MTMR7: variants seen among roughly 807,000 people sequenced by gnomAD.
MTMR7 encodes myotubularin related protein 7.
In MTMR7, 76 loss-of-function variants were observed where a neutral mutation model predicts 81.2. That is an observed-to-expected ratio of 0.94 (90% CI 0.78 to 1.13). MTMR7 has a LOEUF of 1.13. Among genes scored for constraint, MTMR7 ranks in the 50% most tolerant of loss-of-function variants. MTMR7 has a pLI of 0.00. For missense variants in MTMR7, 1,044 were observed against 820.0 expected (o/e 1.27, Z -3.34); for synonymous variants, 372 against 289.8 (o/e 1.28, Z -2.88).
At chr8:17,342,555 C>G (rs999068775) in intron 5 of MTMR7, among the ~76,000 whole-genome samples, 2 of 152,184 alleles carry the variant, frequency 1.3e-5, no homozygotes, top group African/African-American at 2.4e-5. Context: ...CCCAGGACAA[C>G]TGAACATGGG....
chr8:17,395,082 C>G (rs896015517), intron 1 of MTMR7, among the ~76,000 whole-genome samples: 2 of 152,124 alleles, frequency 1.3e-5, no homozygotes, highest in African/African-American at 4.8e-5. Flanking sequence ...CCCTTATTTT[C>G]CCCTACCCTC....
intron 1 of MTMR7, among the ~76,000 whole-genome samples, chr8:17,374,242 T>C (rs953496165): frequency 3.3e-5 from 5 of 152,326 alleles, no homozygotes; most frequent in East Asian, 1.9e-4. Flanking sequence ...TCCCAGCACT[T>C]TGGGAAGCCG....
intron 1 of MTMR7, among the ~76,000 whole-genome samples, chr8:17,373,605 T>C (rs1243590960): frequency 6.6e-6 from 1 of 152,224 alleles, no homozygotes; most frequent in Non-Finnish European, 1.5e-5. Context: ...GTTTACACTA[T>C]GTATCAATTA....
chr8:17,393,262 T>C (rs34776663), intron 1 of MTMR7, among the ~76,000 whole-genome samples: 1 of 152,190 alleles, frequency 6.6e-6, no homozygotes, highest in African/African-American at 2.4e-5. Context: ...TCACACCATA[T>C]ACAAAAATTA....
At chr8:17,362,480 T>C (rs1010921608) in intron 3 of MTMR7, among the ~76,000 whole-genome samples, 9 of 152,216 alleles carry the variant, frequency 5.9e-5, no homozygotes, top group Admixed American at 3.3e-4. Context: ...GCAACATTGA[T>C]GGTCCTCATT....
At chr8:17,347,641 G>GT (rs1554512545) in intron 5 of MTMR7, among the ~76,000 whole-genome samples, 5 of 152,200 alleles carry the variant, frequency 3.3e-5, no homozygotes, top group Non-Finnish European at 1.5e-5. Flanking sequence ...AGAACATTTT[G>GT]TTTTTTTAAA....
intron 1 of MTMR7, among the ~76,000 whole-genome samples, chr8:17,404,951 G>A (rs1248453051): frequency 6.6e-6 from 1 of 152,182 alleles, no homozygotes; most frequent in African/African-American, 2.4e-5. Flanking sequence ...TCAGCCTCCA[G>A]AGTAGCTAGG....
At chr8:17,318,628 C>G (rs1818223380) in intron 7 of MTMR7, among the ~76,000 whole-genome samples, 2 of 152,206 alleles carry the variant, frequency 1.3e-5, no homozygotes. Flanking sequence ...AGCTAATTCA[C>G]AGCCAGGTTT....
intron 1 of MTMR7, among the ~76,000 whole-genome samples, chr8:17,379,784 ATTGT>A (rs1260960894): frequency 9.9e-5 from 15 of 151,988 alleles, no homozygotes; most frequent in Non-Finnish European, 1.8e-4. Flanking sequence ...GGGTTTTTTG[ATTGT>A]TTGTTTTTGT....
chr8:17,331,028 T>A, intron 7 of MTMR7, 122 bp downstream of exon 7: 1 of 1,192,510 alleles, frequency 8.4e-7, no homozygotes, highest in Non-Finnish European at 1.2e-6. Context: ...CACTGTAACA[T>A]GATATTCTTC....
intron 3 of MTMR7, among the ~76,000 whole-genome samples, chr8:17,369,629 A>C (rs1036869117): frequency 7.3e-6 from 1 of 137,898 alleles, no homozygotes; most frequent in Non-Finnish European, 1.6e-5. Flanking sequence ...AGTAGAGTAT[A>C]TTTCTTTTTT....
intron 6 of MTMR7, 51 bp from the exon 7 acceptor site, chr8:17,331,333 T>C (rs544905880): frequency 3.9e-6 from 6 of 1,528,470 alleles, no homozygotes; most frequent in Non-Finnish European, 5.2e-6. Context: ...GATGAAACAA[T>C]GATGAAACAA....
intron 4 of MTMR7, among the ~76,000 whole-genome samples, chr8:17,356,470 G>A (rs903427330): frequency 9.2e-5 from 14 of 152,004 alleles, no homozygotes; most frequent in Admixed American, 7.2e-4. Flanking sequence ...AGGCAGAGGC[G>A]GGCAGATCAC....
intron 7 of MTMR7, chr8:17,326,639 A>G (rs1818694893): frequency 6.6e-6 from 1 of 152,242 alleles, no homozygotes; most frequent in Non-Finnish European, 1.5e-5. Context: ...AGGCACTCCC[A>G]CTGGCCTTGA....
Position 17,341,495 on chromosome 8 carries a change from G to C in MTMR7, c.600C>G (p.Ala200=), listed in dbSNP as rs375094903. ...VLSYYYKDNH[A]SICRSSQPLS... is the part of the protein sequence containing the mutation. ...GGGGCTGGCTGCTCCGGCAGATGGA[G>C]GCCTAGGGGGAGAGGTCACAGCAAC... is the stretch of plus-strand genomic sequence containing the variant. The change falls in exon 6 of 14, where the codon GCC becomes GCG. Residue 200 remains alanine (A), a splice_region_variant and synonymous_variant. Coordinates refer to ENST00000180173, the MANE Select transcript of MTMR7 (RefSeq NM_004686.5). 31 of 1,613,372 alleles carry C rather than the reference G, an allele frequency of 1.9e-5. No homozygotes were observed. The highest frequency in any genetic ancestry group is 1.4e-5 in the Non-Finnish European group (16 of 1,180,000).
At position 17,352,697 on chromosome 8, in the gene MTMR7, G is replaced by A. The variant is rs189131571; in HGVS notation, c.469-3616C>T. 1.4e-4 allele frequency among the ~76,000 whole-genome samples: 21 copies of A among 152,224 alleles called. 1 individual carries two copies. Among genetic ancestry groups the A allele is most frequent in the South Asian group, 6.2e-4 (3 of 4,828 alleles). On this transcript the variant is annotated intron_variant, in intron 4 of 13. Coordinates refer to ENST00000180173, the MANE Select transcript of MTMR7 (RefSeq NM_004686.5). ...ATGTGAGAAGCTATTAGTAAATTGC[G>A]TATCTTAGGGAAATCAAAATCAAAA...
chr8:17,347,505 T>C (rs1306010944), intron 5 of MTMR7, among the ~76,000 whole-genome samples: 2 of 152,186 alleles, frequency 1.3e-5, no homozygotes, highest in Non-Finnish European at 2.9e-5. Context: ...CCCCCGGCTG[T>C]AGGTGCAGGC....
chr8:17,358,873 A>C (rs1422896068), intron 4 of MTMR7, among the ~76,000 whole-genome samples: 1 of 152,148 alleles, frequency 6.6e-6, no homozygotes, highest in Non-Finnish European at 1.5e-5. Flanking sequence ...ATATGGCAAA[A>C]AAAAGTCTAA....
At chr8:17,314,264 C>G (rs1382367332) in intron 7 of MTMR7, among the ~76,000 whole-genome samples, 1 of 152,092 alleles carries the variant, frequency 6.6e-6, no homozygotes, top group East Asian at 1.9e-4. Context: ...GAAATTCAAT[C>G]AAGAAATCAT....
Sources: gnomAD v4.1 joint callset for allele counts (sites outside exome capture counted in the v4.1 genomes callset) on GRCh38, gnomAD v4.1.1 for gene constraint, MANE v1.5 for transcripts, NCBI Gene and HGNC (gene_info 2026-07-23, HGNC 2026-07-21) for gene names.